Variants in UTRN observed in about 807,000 individuals in gnomAD.
UTRN encodes the protein utrophin.
UTRN carries 283 observed loss-of-function variants against 463.9 expected under a neutral mutation model. The observed-to-expected ratio is 0.61, with a 90% confidence interval of 0.55 to 0.67. The LOEUF (loss-of-function observed/expected upper bound fraction) is 0.67. Among genes scored for constraint, UTRN ranks in the 30% least tolerant of loss-of-function variants. The probability of loss-of-function intolerance (pLI) is 0.00; values close to 1 mark genes in which losing one functional copy is unlikely to be tolerated. For missense variants in UTRN, 3,922 were observed against 4,084.3 expected (o/e 0.96, Z 1.08); for synonymous variants, 1,442 against 1,431.5 (o/e 1.01, Z -0.17).
intron 51 of UTRN, among the ~76,000 whole-genome samples, chr6:144,587,827 A>G (rs936627222): frequency 1.3e-5 from 2 of 152,142 alleles, no homozygotes; most frequent in African/African-American, 2.4e-5. Context: ...CAACTCATAC[A>G]TAGATTGTTT....
intron 58 of UTRN, among the ~76,000 whole-genome samples, chr6:144,760,520 G>A (rs1792538777): frequency 6.6e-6 from 1 of 152,074 alleles, no homozygotes; most frequent in African/African-American, 2.4e-5. Context: ...CACAAAACTT[G>A]TTTAACCAGG....
chr6:144,797,144 A>G (rs1777294671), intron 63 of UTRN, among the ~76,000 whole-genome samples: 2 of 152,148 alleles, frequency 1.3e-5, no homozygotes, highest in African/African-American at 4.8e-5. Context: ...CAAGTTTGTA[A>G]AATTATCGGT....
At chr6:144,571,302 A>G (rs1800917410) in intron 50 of UTRN, among the ~76,000 whole-genome samples, 1 of 152,152 alleles carries the variant, frequency 6.6e-6, no homozygotes, top group Non-Finnish European at 1.5e-5. Context: ...CAACTACTCA[A>G]ATTCTAGTGG....
chr6:144,804,554 G>C (rs967859683), intron 65 of UTRN, among the ~76,000 whole-genome samples: 13 of 152,118 alleles, frequency 8.5e-5, no homozygotes, highest in Non-Finnish European at 1.3e-4. Context: ...TTTTCAGAAG[G>C]GAATAGACTG....
chr6:144,327,812 C>T (rs1229225520), intron 2 of UTRN, among the ~76,000 whole-genome samples: 1 of 151,886 alleles, frequency 6.6e-6, no homozygotes, highest in Admixed American at 6.6e-5. Context: ...GGCATGGTGG[C>T]GGGTACCTGG....
intron 2 of UTRN, among the ~76,000 whole-genome samples, chr6:144,314,292 G>T (rs1382804854): frequency 1.3e-5 from 2 of 152,232 alleles, no homozygotes; most frequent in Admixed American, 1.3e-4. Context: ...GAAGTAGGGC[G>T]CAGGCCTGGT....
At chr6:144,534,891 G>T (rs902515033) in intron 43 of UTRN, among the ~76,000 whole-genome samples, 1 of 152,160 alleles carries the variant, frequency 6.6e-6, no homozygotes, top group Non-Finnish European at 1.5e-5. Flanking sequence ...GGCCTTCTAG[G>T]CAGAAGAAGT....
chr6:144,422,054 A>C, intron 4 of UTRN, 84 bp downstream of exon 4: 1 of 1,100,300 alleles, frequency 9.1e-7, no homozygotes. Flanking sequence ...ATTAAAGTGA[A>C]AGTATCCATT....
In UTRN at chr6:144,461,307, C is replaced by G. The variant is rs1789379974; in HGVS notation, c.2818C>G (p.Leu940Val). 3 of 1,593,564 alleles carry G rather than the reference C, an allele frequency of 1.9e-6. No individual in the cohort carries two copies. In the Admixed American group the frequency reaches 5.1e-5, roughly 27 times the overall value. ...GGTGTCTCTGAATGTCCTTAATGATCTTGCCAAGGTGGAGAAGGCCCTGCA... is the reference window on the plus strand; with the variant it reads ...GGTGTCTCTGAATGTCCTTAATGATGTTGCCAAGGTGGAGAAGGCCCTGCA... ...AQVSLNVLND[L>V]AKVEKALQEK... The change falls in exon 22 of 75, where the codon CTT (leucine) becomes GTT (valine). Residue 940 changes from leucine to valine, a missense_variant. Leu to Val is a conservative substitution (Grantham distance 32). This residue lies in a region of UTRN where 2,349 missense variants were observed against 2,303.8 expected (regional missense o/e 1.02). Coordinates refer to ENST00000367545, the MANE Select transcript of UTRN (RefSeq NM_007124.3).
chr6:144,649,870 A>T (rs1032578465), intron 51 of UTRN, among the ~76,000 whole-genome samples: 2 of 152,198 alleles, frequency 1.3e-5, no homozygotes, highest in African/African-American at 4.8e-5. Context: ...TAGGTTTGTC[A>T]TGCAGCATAC....
At chr6:144,316,281 C>T (rs986767652) in intron 2 of UTRN, among the ~76,000 whole-genome samples, 2 of 152,206 alleles carry the variant, frequency 1.3e-5, no homozygotes, top group South Asian at 4.1e-4. Context: ...CTCTTACTGA[C>T]CCCATAGCTC....
intron 2 of UTRN, among the ~76,000 whole-genome samples, chr6:144,386,475 A>G (rs764274641): frequency 6.6e-6 from 1 of 152,182 alleles, no homozygotes; most frequent in African/African-American, 2.4e-5. Flanking sequence ...ACAAACAAAA[A>G]GTATTAGTAG....
Position 144,701,051 on chromosome 6 carries a change from C to T in UTRN, c.7809+808C>T, listed in dbSNP as rs560997990. Among the ~76,000 whole-genome samples the T allele has an allele frequency of 2.8e-4, 42 of 152,178 alleles. No individual in the cohort carries two copies. The South Asian group carries it at 6.4e-3, about 23-fold the overall frequency. ...CCTCCCAAGTAGCTGGGACTACAGG[C>T]GCATGCCACCATGCCCGGCTAATTT... On this transcript the variant is annotated intron_variant, in intron 53 of 74. Transcript: ENST00000367545.
At chr6:144,680,170 T>C (rs1367378795) in intron 52 of UTRN, among the ~76,000 whole-genome samples, 1 of 152,156 alleles carries the variant, frequency 6.6e-6, no homozygotes, top group African/African-American at 2.4e-5. Context: ...CTAGTGAAGA[T>C]GGTATACATG....
chr6:144,514,121 T>G, intron 36 of UTRN, 84 bp downstream of exon 36: 1 of 1,530,720 alleles, frequency 6.5e-7, no homozygotes, highest in Non-Finnish European at 8.9e-7. Context: ...TCTAAGTTAC[T>G]TAGCTCTCAT....
At chr6:144,810,846 G>T (rs1433475173) in intron 65 of UTRN, among the ~76,000 whole-genome samples, 1 of 151,780 alleles carries the variant, frequency 6.6e-6, no homozygotes, top group Admixed American at 6.6e-5. Context: ...GTGAGAAGAG[G>T]CAACAACAGG....
chr6:144,366,495 G>A lies in UTRN; in HGVS notation c.80-36628G>A, dbSNP rs191381562. ...AGCTGCCACTTAAATGTGAGAACATGCGGTATTTGATTTTTCGTTCCTGTG... is the reference window on the plus strand; with the variant it reads ...AGCTGCCACTTAAATGTGAGAACATACGGTATTTGATTTTTCGTTCCTGTG... On this transcript the variant is annotated intron_variant, in intron 2 of 74. Coordinates refer to ENST00000367545, the MANE Select transcript of UTRN (RefSeq NM_007124.3). Among the ~76,000 whole-genome samples the A allele has an allele frequency of 1.8e-4, 27 of 152,312 alleles. 1 individual carries two copies. The highest frequency in any genetic ancestry group is 1.4e-3 in the Admixed American group (21 of 15,290).
At chr6:144,733,523 A>C (rs1255365734) in intron 54 of UTRN, among the ~76,000 whole-genome samples, 2 of 152,080 alleles carry the variant, frequency 1.3e-5, no homozygotes, top group Non-Finnish European at 2.9e-5. Flanking sequence ...AAAAAAAAAA[A>C]AAAACTTTGT....
At chr6:144,769,982 T>G (rs1793818862) in intron 58 of UTRN, among the ~76,000 whole-genome samples, 1 of 152,156 alleles carries the variant, frequency 6.6e-6, no homozygotes, top group Non-Finnish European at 1.5e-5. Flanking sequence ...TCAAACAACT[T>G]CAGTACCCGG....
Sources: gnomAD v4.1 joint callset for allele counts (sites outside exome capture counted in the v4.1 genomes callset) on GRCh38, gnomAD v4.1.1 for gene constraint, gnomAD v4.1.1 regional missense constraint, MANE v1.5 for transcripts, NCBI Gene and HGNC (gene_info 2026-07-23, HGNC 2026-07-21) for gene names.